Variants in CRYBG1 observed in about 807,000 individuals in gnomAD.
CRYBG1 encodes beta/gamma crystallin domain-containing protein 1.
In CRYBG1, 139 loss-of-function variants were observed where a neutral mutation model predicts 189.2. The ratio of observed to expected loss-of-function variants is 0.73; its 90% CI spans 0.64 to 0.85. The LOEUF is 0.85. Ranked by LOEUF, CRYBG1 falls within the 40% of genes least tolerant of loss-of-function variation. The probability of loss-of-function intolerance (pLI) is 0.00; values close to 1 mark genes in which losing one functional copy is unlikely to be tolerated. For missense variants in CRYBG1, 2,611 were observed against 2,675.8 expected, an observed-to-expected ratio of 0.98 and a Z score of 0.53; for synonymous variants, 1,023 against 1,017.1, an observed-to-expected ratio of 1.01 and a Z score of -0.11.
intron 6 of CRYBG1, among the ~76,000 whole-genome samples, chr6:106,526,267 T>C (rs1773736429): frequency 1.3e-5 from 2 of 152,220 alleles, no homozygotes; most frequent in South Asian, 4.1e-4. Flanking sequence ...TTTTCCTATA[T>C]ATCCAACATA....
At chr6:106,393,802 A>G (rs1770554758) in intron 1 of CRYBG1, among the ~76,000 whole-genome samples, 1 of 151,586 alleles carries the variant, frequency 6.6e-6, no homozygotes, top group Non-Finnish European at 1.5e-5. Context: ...CAGCCTTCCA[A>G]GCTGGGACTA....
intron 3 of CRYBG1, among the ~76,000 whole-genome samples, chr6:106,518,673 T>C (rs1407524515): frequency 1.3e-5 from 2 of 152,090 alleles, no homozygotes; most frequent in African/African-American, 4.8e-5. Context: ...AAAAAACAAA[T>C]GTGGCAGAGA....
At chr6:106,543,637 C>T (rs777918139) in intron 11 of CRYBG1, 40 bp downstream of exon 11, 49 of 1,585,746 alleles carry the variant, frequency 3.1e-5, no homozygotes, top group South Asian at 1.2e-4. Flanking sequence ...CTTTTTTTTC[C>T]GAAATATTAA....
At chr6:106,564,726 CCT>C (rs1774827184) in intron 21 of CRYBG1, among the ~76,000 whole-genome samples, 1 of 152,132 alleles carries the variant, frequency 6.6e-6, no homozygotes, top group Non-Finnish European at 1.5e-5. Flanking sequence ...AATGACCTAA[CCT>C]CTGTGTGGGA....
chr6:106,494,631 C>G (rs1428353901), intron 2 of CRYBG1, among the ~76,000 whole-genome samples: 1 of 152,056 alleles, frequency 6.6e-6, no homozygotes, highest in Non-Finnish European at 1.5e-5. Flanking sequence ...CTGAAAACTT[C>G]TGATAAGACA....
Position 106,385,179 on chromosome 6 carries a change from G to A in CRYBG1, c.173+24098G>A, listed in dbSNP as rs558305214. The stretch of plus-strand genomic sequence containing the variant: ...AACAGCTCTCATAACAAAAACTCTG[G>A]CCAGTGATCTACCTTTAGAAAACCA... On this transcript the variant is annotated intron_variant, in intron 1 of 21. Transcript: ENST00000633556. 2.6e-5 allele frequency among the ~76,000 whole-genome samples: 4 copies of A among 152,228 alleles called. No individual in the cohort carries two copies. The South Asian group carries it at 8.3e-4, about 32-fold the overall frequency.
Position 106,512,865 on chromosome 6 carries a change from A to G in CRYBG1, c.1748A>G (p.Lys583Arg). 1 of 1,590,850 alleles carries G rather than the reference A, an allele frequency of 6.3e-7. No individual in the cohort carries two copies. Among genetic ancestry groups the G allele is most frequent in the East Asian group, 2.3e-5 (1 of 43,630 alleles). ...VKSSSLLPEIKPEHKRGPLPN... is the reference protein window; with the variant it reads ...VKSSSLLPEIRPEHKRGPLPN... ...AGCAGCTCGCTGCTGCCGGAGATCA[A>G]GCCCGAGCACAAGAGGGGCCCGCTC... The change falls in exon 3 of 22, where the codon AAG (lysine) becomes AGG (arginine). Residue 583 changes from lysine (K) to arginine (R), a missense_variant. Lys to Arg is a conservative substitution (Grantham distance 26, BLOSUM62 2). Coordinates refer to ENST00000633556, the MANE Select transcript of CRYBG1 (RefSeq NM_001371242.2).
chr6:106,514,482 A>G (rs774539807), intron 3 of CRYBG1, among the ~76,000 whole-genome samples: 2 of 152,174 alleles, frequency 1.3e-5, no homozygotes, highest in Non-Finnish European at 2.9e-5. Flanking sequence ...TACCTCACCA[A>G]CTGCCAACCT....
chr6:106,412,661 A>G (rs1300341803), intron 1 of CRYBG1, among the ~76,000 whole-genome samples: 2 of 152,254 alleles, frequency 1.3e-5, no homozygotes, highest in African/African-American at 2.4e-5. Context: ...TGCAATTACT[A>G]TTAGGGACAT....
rs183330776 is a variant in CRYBG1, at chr6:106,400,261, T to C, written c.173+39180T>C. ...TTCCAAAGTATTGAGAAGACAGGCA[T>C]GAGCCACCATGCCCCACCCAGATCT... On this transcript the variant is annotated intron_variant, in intron 1 of 21. Transcript: ENST00000633556. 1.6e-4 allele frequency among the ~76,000 whole-genome samples: 24 copies of C among 152,228 alleles called. No individual in the cohort carries two copies. In the East Asian group the frequency reaches 3.9e-3, roughly 24 times the overall value.
intron 1 of CRYBG1, among the ~76,000 whole-genome samples, chr6:106,391,119 G>C (rs943369825): frequency 6.6e-6 from 1 of 152,154 alleles, no homozygotes; most frequent in Non-Finnish European, 1.5e-5. Context: ...CCAGGCTGGA[G>C]TGCACTGGCG....
chr6:106,375,972 T>C (rs1770155306), intron 1 of CRYBG1, among the ~76,000 whole-genome samples: 1 of 152,216 alleles, frequency 6.6e-6, no homozygotes, highest in Non-Finnish European at 1.5e-5. Flanking sequence ...CAATATACTA[T>C]AATAAAAATT....
intron 1 of CRYBG1, among the ~76,000 whole-genome samples, chr6:106,392,101 A>T (rs186007952): frequency 1.3e-5 from 2 of 152,096 alleles, no homozygotes; most frequent in African/African-American, 4.8e-5. Context: ...AATGCAAAGA[A>T]GGCTCTCAGT....
At chr6:106,446,461 G>C (rs1430638388) in intron 1 of CRYBG1, among the ~76,000 whole-genome samples, 1 of 152,050 alleles carries the variant, frequency 6.6e-6, no homozygotes, top group Non-Finnish European at 1.5e-5. Flanking sequence ...ATAATTCTTT[G>C]GATAGACAAT....
chr6:106,435,577 CT>C (rs1771438898), intron 1 of CRYBG1, among the ~76,000 whole-genome samples: 1 of 151,720 alleles, frequency 6.6e-6, no homozygotes, highest in Non-Finnish European at 1.5e-5. Flanking sequence ...TATTGTTTTC[CT>C]TGCAAATTTA....
chr6:106,561,639 T>C, intron 20 of CRYBG1, 139 bp downstream of exon 20: 1 of 1,046,184 alleles, frequency 9.6e-7, no homozygotes, highest in Non-Finnish European at 1.4e-6. Context: ...TTTGTTTTTT[T>C]CATGACAGTA....
chr6:106,382,031 G>A (rs1038414447), intron 1 of CRYBG1, among the ~76,000 whole-genome samples: 15 of 152,168 alleles, frequency 9.9e-5, no homozygotes, highest in African/African-American at 3.6e-4. Context: ...ACACCAGGAA[G>A]CAATGAACAG....
chr6:106,544,799 T>A lies in CRYBG1; in HGVS notation c.5178T>A (p.Asn1726Lys). ...SLRPILGDFS[N>K]AHMIMYSEKN... ...TTTTTTCTCAATAGGATTTTTCAAA[T>A]GCTCACATGATAATGTACAGTGAAA... Residue 1726 changes from asparagine (N) to lysine (K), a missense_variant, in exon 13 of 22, where the codon AAT becomes AAA. By Grantham distance (94) the Asn-to-Lys change is moderately conservative. This residue lies in a region of CRYBG1 where 1,622 missense variants were observed against 1,735.0 expected (regional missense o/e 0.93). Coordinates refer to ENST00000633556, the MANE Select transcript of CRYBG1 (RefSeq NM_001371242.2). 1 of 1,601,662 alleles carries A rather than the reference T, an allele frequency of 6.2e-7. No individual in the cohort carries two copies. Among genetic ancestry groups the A allele is most frequent in the Non-Finnish European group, 8.5e-7 (1 of 1,176,812 alleles).
chr6:106,476,003 T>A (rs917575735), intron 2 of CRYBG1, among the ~76,000 whole-genome samples: 2 of 152,174 alleles, frequency 1.3e-5, no homozygotes, highest in Non-Finnish European at 2.9e-5. Context: ...CCTGTGTAAG[T>A]AGGATAAAAA....
Sources: gnomAD v4.1 joint callset for allele counts (sites outside exome capture counted in the v4.1 genomes callset) on GRCh38, gnomAD v4.1.1 for gene constraint, gnomAD v4.1.1 regional missense constraint, MANE v1.5 for transcripts, NCBI Gene and HGNC (gene_info 2026-07-23, HGNC 2026-07-21) for gene names.